Variants in LYZL1 observed in about 807,000 individuals in gnomAD.
The protein encoded by LYZL1 is lysozyme-like protein 1.
In LYZL1, 16 loss-of-function variants were observed where a neutral mutation model predicts 17.9. The observed-to-expected ratio is 0.90, with a 90% CI of 0.61 to 1.36. LYZL1 has a LOEUF of 1.36. Ranked by LOEUF, LYZL1 falls within the 40% of genes most tolerant of loss-of-function variation. The probability of loss-of-function intolerance (pLI) is 0.00; values close to 1 mark genes in which losing one functional copy is unlikely to be tolerated. For missense variants in LYZL1, 149 were observed against 188.4 expected (o/e 0.79, Z 1.22); for synonymous variants, 58 against 71.8 (o/e 0.81, Z 0.97).
intron 1 of LYZL1, among the ~76,000 whole-genome samples, 167 bp from the exon 2 acceptor site, chr10:29,291,676 A>G (rs1312828980): frequency 6.6e-6 from 1 of 151,962 alleles, no homozygotes; most frequent in African/African-American, 2.4e-5. Flanking sequence ...AACAGCCTTC[A>G]GTTGCCTTCC....
intron 3 of LYZL1, among the ~76,000 whole-genome samples, chr10:29,301,788 A>T (rs1357210687): frequency 6.6e-6 from 1 of 152,086 alleles, no homozygotes; most frequent in Admixed American, 6.6e-5. Context: ...TTCTAATGGC[A>T]CATATGTTAG....
At chr10:29,298,585 C>A (rs1408459985) in intron 3 of LYZL1, among the ~76,000 whole-genome samples, 4 of 152,096 alleles carry the variant, frequency 2.6e-5, no homozygotes, top group East Asian at 1.9e-4. Flanking sequence ...CACCCTCTCT[C>A]ACAAAACCGT....
chr10:29,299,603 A>T (rs1053781228), intron 3 of LYZL1, among the ~76,000 whole-genome samples: 2 of 152,102 alleles, frequency 1.3e-5, no homozygotes, highest in South Asian at 4.1e-4. Flanking sequence ...AAGCTTTGTT[A>T]TTAGGCACAT....
At position 29,289,242 on chromosome 10, in the gene LYZL1, A is replaced by C. The variant is rs772063675; in HGVS notation, c.-26+12A>C. On this transcript the variant is annotated intron_variant, in intron 1 of 4. Transcript: ENST00000649382. Reference sequence around the variant, plus strand: ...AATCTGCCTTTTCAGTAAGACCTAAATTACTCTTATGAGAACCAGCAATGG... The same window carrying C: ...AATCTGCCTTTTCAGTAAGACCTAACTTACTCTTATGAGAACCAGCAATGG... 1 of 915,668 alleles carries C rather than the reference A, an allele frequency of 1.1e-6. No homozygotes were observed. The highest frequency in any genetic ancestry group is 3.2e-5 in the African/African-American group (1 of 31,022). 56.7% of individuals were successfully genotyped at this position (915,668 alleles called of 1,614,324 possible). A position where few individuals can be genotyped will look rare whatever the true frequency, so the allele number is the denominator to read the frequency against.
chr10:29,309,075 T>C (rs1367610718), intron 3 of LYZL1, among the ~76,000 whole-genome samples: 1 of 151,836 alleles, frequency 6.6e-6, no homozygotes, highest in Non-Finnish European at 1.5e-5. Flanking sequence ...ACACCTGTAA[T>C]CCCAGCACTT....
At chr10:29,292,814 T>A in intron 3 of LYZL1, 137 bp downstream of exon 3, 1 of 1,306,778 alleles carries the variant, frequency 7.7e-7, no homozygotes, top group Non-Finnish European at 1.0e-6. Flanking sequence ...ATTGGTAAAT[T>A]ATGCAACAGT....
downstream of LYZL1, among the ~76,000 whole-genome samples, chr10:29,313,390 G>T (rs1258650218): frequency 2.0e-5 from 3 of 152,232 alleles, no homozygotes; most frequent in Non-Finnish European, 4.4e-5. Context: ...CCAAATTTCT[G>T]CTTCATTAAA....
rs774711361 is a variant in LYZL1 at position 29,311,106 on chromosome 10, C to A, written c.*47C>A. ...CTTTGCAGCAACGCCCTAGGATTTG[C>A]AGTGAATGTCCAAATGCCTGTGTCA... On this transcript the variant is annotated 3_prime_UTR_variant, in exon 5 of 5. Coordinates refer to ENST00000649382, the MANE Select transcript of LYZL1 (RefSeq NM_032517.6). 4 of 1,613,864 alleles carry A rather than the reference C, an allele frequency of 2.5e-6. No homozygotes were observed. Among genetic ancestry groups the A allele is most frequent in the Non-Finnish European group, 1.7e-6 (2 of 1,179,954 alleles).
intron 3 of LYZL1, among the ~76,000 whole-genome samples, chr10:29,293,868 G>T (rs1205765362): frequency 6.6e-6 from 1 of 152,008 alleles, no homozygotes; most frequent in Non-Finnish European, 1.5e-5. Flanking sequence ...CAGCTACTCG[G>T]GAGGCTGAAG....
At chr10:29,300,453 C>T (rs530011865) in intron 3 of LYZL1, among the ~76,000 whole-genome samples, 162 of 152,140 alleles carry the variant, frequency 1.1e-3, no homozygotes, top group Middle Eastern at 3.4e-3. Flanking sequence ...CATGTTGTCA[C>T]GCATTTTTCT....
chr10:29,289,567 C>T (rs1310170077), intron 1 of LYZL1, among the ~76,000 whole-genome samples: 2 of 151,800 alleles, frequency 1.3e-5, no homozygotes, highest in African/African-American at 4.8e-5. Flanking sequence ...CACAGGCACA[C>T]ACCACCATGC....
chr10:29,291,386 G>GA (rs1835362871), intron 1 of LYZL1, among the ~76,000 whole-genome samples: 1 of 151,886 alleles, frequency 6.6e-6, no homozygotes, highest in African/African-American at 2.4e-5. Flanking sequence ...GGAGGAAGAG[G>GA]AGGGGTTGGT....
intron 3 of LYZL1, among the ~76,000 whole-genome samples, chr10:29,303,565 G>A (rs1444310040): frequency 6.6e-6 from 1 of 152,156 alleles, no homozygotes; most frequent in Non-Finnish European, 1.5e-5. Flanking sequence ...GAAGCCTGGG[G>A]CAAAGGTCTA....
chr10:29,295,765 T>G (rs1835438894), intron 3 of LYZL1, among the ~76,000 whole-genome samples: 1 of 152,128 alleles, frequency 6.6e-6, no homozygotes, highest in Non-Finnish European at 1.5e-5. Context: ...AAAGAGAGAT[T>G]CAAAGTGTGA....
intron 3 of LYZL1, among the ~76,000 whole-genome samples, chr10:29,299,971 C>A (rs1306793699): frequency 6.6e-6 from 1 of 152,122 alleles, no homozygotes; most frequent in Non-Finnish European, 1.5e-5. Context: ...CTTTTCAGGT[C>A]ATATGGTTTT....
At chr10:29,306,839 TGAGAGAGAGA>T (rs146929957) in intron 3 of LYZL1, among the ~76,000 whole-genome samples, 33 of 139,092 alleles carry the variant, frequency 2.4e-4, no homozygotes, top group South Asian at 7.0e-4. Flanking sequence ...TGAAAGAGAT[TGAGAGAGAGA>T]GAGAGAGAGA....
intron 1 of LYZL1, among the ~76,000 whole-genome samples, chr10:29,289,528 C>T (rs1415158824): frequency 6.6e-6 from 1 of 151,550 alleles, no homozygotes; most frequent in East Asian, 1.9e-4. Flanking sequence ...AAGTGATCCT[C>T]CCACCTCAGC....
chr10:29,314,761 C>A (rs778468678), downstream of LYZL1, among the ~76,000 whole-genome samples: 2 of 152,210 alleles, frequency 1.3e-5, no homozygotes, highest in Non-Finnish European at 2.9e-5. Context: ...ACGCTCCTCA[C>A]AACAATCTTG....
intron 4 of LYZL1, among the ~76,000 whole-genome samples, chr10:29,317,733 G>A (rs1307307998): frequency 2.6e-5 from 4 of 152,138 alleles, no homozygotes; most frequent in Admixed American, 6.5e-5. Flanking sequence ...ACTAGCAACC[G>A]TATTAGAAGC....
Sources: allele counts gnomAD v4.1 joint callset (sites outside exome capture counted in the v4.1 genomes callset), GRCh38; gene constraint gnomAD v4.1.1; transcripts MANE v1.5; gene names NCBI Gene and HGNC (gene_info 2026-07-23, HGNC 2026-07-21).